Variants in KCNIP4 observed in about 807,000 individuals in gnomAD.
KCNIP4 encodes Kv channel-interacting protein 4.
Under a neutral mutation model 34.0 loss-of-function variants are expected in KCNIP4, and 12 were observed. The ratio of observed to expected loss-of-function variants is 0.35; its 90% confidence interval spans 0.23 to 0.57. The LOEUF (loss-of-function observed/expected upper bound fraction) is 0.57. Among genes scored for constraint, KCNIP4 ranks in the 20% least tolerant of loss-of-function variants. KCNIP4 has a pLI of 0.83. For missense variants in KCNIP4, 238 were observed against 311.7 expected, an observed-to-expected ratio of 0.76 and a Z score of 1.78; for synonymous variants, 124 against 102.2, an observed-to-expected ratio of 1.21 and a Z score of -1.29.
At chr4:21,169,816 C>A (rs1560778209) in intron 1 of KCNIP4, among the ~76,000 whole-genome samples, 1 of 151,870 alleles carries the variant, frequency 6.6e-6, no homozygotes, top group Non-Finnish European at 1.5e-5. Flanking sequence ...AGCCTTTGGT[C>A]CTGATTTTCT....
Position 21,237,888 on chromosome 4 carries a change from T to C in KCNIP4, c.62-355179A>G, listed in dbSNP as rs573773269. Among the ~76,000 whole-genome samples, 297 of 152,282 alleles carry C rather than the reference T, an allele frequency of 2.0e-3. 3 individuals are homozygous for C. The highest frequency in any genetic ancestry group is 6.6e-3 in the African/African-American group (275 of 41,554). On this transcript the variant is annotated intron_variant, in intron 1 of 8. Transcript: ENST00000382152. ...TCCCTAATTCATTTTATGAGGCCAG[T>C]ATCATCCTGATACCAAAGCCTGGCA...
At chr4:20,836,761 T>A (rs754686511) in intron 3 of KCNIP4, among the ~76,000 whole-genome samples, 3 of 152,184 alleles carry the variant, frequency 2.0e-5, no homozygotes, top group Non-Finnish European at 4.4e-5. Flanking sequence ...AGATTAGTAT[T>A]TGACCAAACA....
chr4:20,850,595 TG>T lies in KCNIP4; in HGVS notation c.235del (p.Gln79ArgfsTer62), dbSNP rs1470213075. ...AAGCTCTTTCTTGGTAAATTTGCTCTGGGCTTCCAGAAGCTCAAGGGCTTCA... is the reference window on the plus strand; with the variant it reads ...AAGCTCTTTCTTGGTAAATTTGCTCTGGCTTCCAGAAGCTCAAGGGCTTCA... ...RPEALELLEA[Q>X]SKFTKKELQI... On this transcript the variant is annotated frameshift_variant, in exon 3 of 9. Coordinates refer to ENST00000382152, the MANE Select transcript of KCNIP4 (RefSeq NM_025221.6). LOFTEE classifies it high-confidence loss of function. The T allele has an allele frequency of 6.2e-7, 1 of 1,612,942 alleles. No homozygotes were observed. The highest frequency in any genetic ancestry group is 8.5e-7 in the Non-Finnish European group (1 of 1,179,732).
chr4:21,040,868 A>T (rs902222274), intron 1 of KCNIP4, among the ~76,000 whole-genome samples: 1 of 151,118 alleles, frequency 6.6e-6, no homozygotes, highest in Non-Finnish European at 1.5e-5. Flanking sequence ...TCTAAGTGGA[A>T]TTTTTTTTAC....
chr4:21,943,002 G>T (rs971960019), intron 1 of KCNIP4, among the ~76,000 whole-genome samples: 19 of 152,118 alleles, frequency 1.2e-4, no homozygotes, highest in African/African-American at 4.3e-4. Context: ...CAGGCGATCT[G>T]CCAGCCTCGG....
intron 1 of KCNIP4, among the ~76,000 whole-genome samples, chr4:21,569,438 A>T (rs1392949967): frequency 1.3e-5 from 2 of 151,974 alleles, no homozygotes; most frequent in Non-Finnish European, 2.9e-5. Context: ...TAGTAATTTG[A>T]TAGTAGAATA....
chr4:21,503,730 G>C (rs755142144), intron 1 of KCNIP4, among the ~76,000 whole-genome samples: 2 of 152,204 alleles, frequency 1.3e-5, no homozygotes, highest in South Asian at 4.1e-4. Flanking sequence ...CATAGAGCAA[G>C]TGAGCAGGGA....
chr4:21,247,735 G>GAT (rs58465908), intron 1 of KCNIP4, among the ~76,000 whole-genome samples: 4,599 of 61,296 alleles, frequency 0.075, 295 homozygotes, highest in East Asian at 0.19. Flanking sequence ...TCCACAGGTG[G>GAT]ATATATATAT....
At chr4:21,347,546 G>C (rs577430116) in intron 1 of KCNIP4, among the ~76,000 whole-genome samples, 1 of 152,334 alleles carries the variant, frequency 6.6e-6, no homozygotes, top group South Asian at 2.1e-4. Context: ...GGGAGGAACA[G>C]GAAATCAATC....
intron 1 of KCNIP4, among the ~76,000 whole-genome samples, chr4:21,197,045 GCTT>G: frequency 6.6e-6 from 1 of 152,112 alleles, no homozygotes; most frequent in Middle Eastern, 3.4e-3. Context: ...AGCTTTTTGT[GCTT>G]TTTTGGCATT....
intron 1 of KCNIP4, chr4:21,847,852 T>A (rs967549452): frequency 7.2e-5 from 11 of 152,108 alleles, no homozygotes; most frequent in Non-Finnish European, 1.6e-4. Context: ...CTCATTTCCT[T>A]CTTTGTCTCT....
chr4:21,880,821 C>T (rs536012948), intron 1 of KCNIP4, among the ~76,000 whole-genome samples: 14 of 152,220 alleles, frequency 9.2e-5, no homozygotes, highest in South Asian at 4.1e-4. Context: ...CAATCTGGTA[C>T]GCTTCCAGGA....
chr4:21,431,991 AT>A (rs1726499066), intron 1 of KCNIP4, among the ~76,000 whole-genome samples: 1 of 149,298 alleles, frequency 6.7e-6, no homozygotes, highest in African/African-American at 2.4e-5. Flanking sequence ...GAGTGCAAAT[AT>A]GACTAAATGC....
At chr4:20,857,335 T>TTG (rs1358266389) in intron 2 of KCNIP4, among the ~76,000 whole-genome samples, 2 of 152,200 alleles carry the variant, frequency 1.3e-5, no homozygotes, top group Non-Finnish European at 2.9e-5. Flanking sequence ...CTCAGCCACC[T>TTG]TGTAAGAGCC....
intron 2 of KCNIP4, among the ~76,000 whole-genome samples, chr4:20,859,095 G>A (rs1241158541): frequency 6.6e-6 from 1 of 152,110 alleles, no homozygotes; most frequent in Non-Finnish European, 1.5e-5. Flanking sequence ...TTCTTTCCAG[G>A]GAAAATATGC....
chr4:21,899,569 C>G (rs1195360326), intron 1 of KCNIP4, among the ~76,000 whole-genome samples: 1 of 151,876 alleles, frequency 6.6e-6, no homozygotes, highest in African/African-American at 2.4e-5. Flanking sequence ...AATATTAGAA[C>G]TGATAAAAAA....
At chr4:20,805,190 T>C (rs914202235) in intron 3 of KCNIP4, among the ~76,000 whole-genome samples, 2 of 45,944 alleles carry the variant, frequency 4.4e-5, no homozygotes, top group African/African-American at 7.1e-5. Flanking sequence ...TGCTTCCTTT[T>C]TTTTTTTTTT....
At chr4:21,141,401 A>T (rs1256746303) in intron 1 of KCNIP4, among the ~76,000 whole-genome samples, 1 of 152,204 alleles carries the variant, frequency 6.6e-6, no homozygotes, top group East Asian at 1.9e-4. Context: ...AAGTACTAAG[A>T]TAAAAAAAAA....
intron 1 of KCNIP4, among the ~76,000 whole-genome samples, chr4:21,799,273 G>A (rs945570733): frequency 2.0e-5 from 3 of 152,170 alleles, no homozygotes; most frequent in Non-Finnish European, 4.4e-5. Context: ...CTGAGATTTA[G>A]AGAGGTGAAC....
Sources: gnomAD v4.1 joint callset for allele counts (sites outside exome capture counted in the v4.1 genomes callset) on GRCh38, gnomAD v4.1.1 for gene constraint, MANE v1.5 for transcripts, NCBI Gene and HGNC (gene_info 2026-07-23, HGNC 2026-07-21) for gene names.